The following MAST4 variants were observed in gnomAD, a reference collection of about 807,000 sequenced individuals.
MAST4 encodes microtubule associated serine/threonine kinase family member 4.
In MAST4, 89 loss-of-function variants were observed where a neutral mutation model predicts 162.7. The ratio of observed to expected loss-of-function variants is 0.55; its 90% CI spans 0.46 to 0.65. The LOEUF (loss-of-function observed/expected upper bound fraction) is 0.65. MAST4 is among the 30% of genes least tolerant of loss of function. The pLI is 0.00. For synonymous variants in MAST4, 1,479 were observed against 1,361.1 expected, an observed-to-expected ratio of 1.09 and a Z score of -1.91; for missense variants, 3,153 against 3,374.0, an observed-to-expected ratio of 0.93 and a Z score of 1.62.
At chr5:67,037,760 T>C (rs940471655) in intron 4 of MAST4, among the ~76,000 whole-genome samples, 2 of 152,150 alleles carry the variant, frequency 1.3e-5, no homozygotes, top group Non-Finnish European at 2.9e-5. Context: ...CCATCTCTGA[T>C]TCAAGGCTTT....
chr5:66,684,708 A>G (rs16895457), intron 1 of MAST4, among the ~76,000 whole-genome samples: 31,363 of 152,134 alleles, frequency 0.21, 3,716 homozygotes, highest in East Asian at 0.31. Flanking sequence ...TTTAATTTTC[A>G]TCCCAGAGTT....
intron 4 of MAST4, among the ~76,000 whole-genome samples, chr5:67,047,583 T>C (rs745976607): frequency 6.6e-5 from 10 of 152,200 alleles, no homozygotes; most frequent in Admixed American, 3.3e-4. Context: ...GTACCACAAA[T>C]TTTACAAATT....
At chr5:67,079,760 A>G (rs1196669809) in intron 5 of MAST4, among the ~76,000 whole-genome samples, 5 of 152,032 alleles carry the variant, frequency 3.3e-5, no homozygotes, top group African/African-American at 1.2e-4. Context: ...TTCCTTCTAG[A>G]TGCAGATCGA....
chr5:66,763,049 CTG>C (rs1158428239), intron 2 of MAST4, among the ~76,000 whole-genome samples: 1 of 152,170 alleles, frequency 6.6e-6, no homozygotes, highest in African/African-American at 2.4e-5. Flanking sequence ...GAGGGAGACA[CTG>C]TTAGCTCATT....
chr5:66,710,305 G>A (rs1399126497), intron 1 of MAST4, among the ~76,000 whole-genome samples: 1 of 152,134 alleles, frequency 6.6e-6, no homozygotes, highest in East Asian at 1.9e-4. Flanking sequence ...GGCAGTGTCT[G>A]TTTTATAATA....
intron 4 of MAST4, among the ~76,000 whole-genome samples, chr5:66,931,740 G>T (rs1742218985): frequency 6.6e-6 from 1 of 151,984 alleles, no homozygotes; most frequent in African/African-American, 2.4e-5. Flanking sequence ...TGCCTGAAAG[G>T]CATGTATATA....
rs576070290 is a variant in MAST4 at position 66,843,265 on chromosome 5, A to G, written c.642+54471A>G. Among the ~76,000 whole-genome samples, 126 of 152,292 alleles carry G rather than the reference A, an allele frequency of 8.3e-4. 5 individuals are homozygous for G. The South Asian group carries it at 0.026, about 31-fold the overall frequency. ...GTCACGTTAGTGGTCCTGAAACAGAATACTCTTTTCCGTGCTGTCCATTCA... is the reference window on the plus strand; with the variant it reads ...GTCACGTTAGTGGTCCTGAAACAGAGTACTCTTTTCCGTGCTGTCCATTCA... On this transcript the variant is annotated intron_variant, in intron 3 of 28. Coordinates refer to ENST00000403625, the MANE Select transcript of MAST4 (RefSeq NM_001164664.2).
intron 5 of MAST4, among the ~76,000 whole-genome samples, chr5:67,061,697 T>C (rs931854562): frequency 6.6e-6 from 1 of 152,138 alleles, no homozygotes; most frequent in African/African-American, 2.4e-5. Flanking sequence ...CTGATCTCAT[T>C]GCTTCCCCTC....
chr5:67,101,897 C>A (rs1437849484), intron 8 of MAST4, among the ~76,000 whole-genome samples: 2 of 151,598 alleles, frequency 1.3e-5, no homozygotes, highest in Non-Finnish European at 2.9e-5. Flanking sequence ...CGAAGTTGCA[C>A]AACTATATAT....
In MAST4 at chr5:67,142,330, A is replaced by T; in HGVS notation, c.2618-91A>T. On this transcript the variant is annotated intron_variant, in intron 20 of 28. Coordinates refer to ENST00000403625, the MANE Select transcript of MAST4 (RefSeq NM_001164664.2). ...AACCTTTTCATATCTCTGAGTTCTT[A>T]AACATAATGTTGATCCAGAAAATCA... is the stretch of plus-strand genomic sequence containing the variant. 4 of 1,542,384 alleles carry T rather than the reference A, an allele frequency of 2.6e-6. No individual in the cohort carries two copies. The South Asian group carries it at 4.7e-5, about 18-fold the overall frequency.
At chr5:66,646,132 T>C (rs1745819517) in intron 1 of MAST4, among the ~76,000 whole-genome samples, 1 of 152,156 alleles carries the variant, frequency 6.6e-6, no homozygotes, top group African/African-American at 2.4e-5. Flanking sequence ...CCCCATCTTA[T>C]AGTCATCCAC....
At chr5:66,930,430 C>T (rs1742065784) in intron 4 of MAST4, among the ~76,000 whole-genome samples, 1 of 152,156 alleles carries the variant, frequency 6.6e-6, no homozygotes, top group South Asian at 2.1e-4. Context: ...ATGCAGCTGA[C>T]ACCACAGGGA....
In MAST4 at chr5:66,760,506, C is replaced by T. The variant is rs190857627; in HGVS notation, c.517+644C>T. On this transcript the variant is annotated intron_variant, in intron 2 of 28. Transcript: ENST00000403625. The stretch of plus-strand genomic sequence containing the variant: ...CCGTGATCAGGATATAAAATGTTTC[C>T]CATGCTCTTCCTAGTCAAACCCACC... Among the ~76,000 whole-genome samples, 11 of 152,218 alleles carry T rather than the reference C, an allele frequency of 7.2e-5. No individual in the cohort carries two copies. The East Asian group carries it at 1.5e-3, about 21-fold the overall frequency.
intron 4 of MAST4, among the ~76,000 whole-genome samples, chr5:67,004,186 G>C (rs1751652136): frequency 8.9e-6 from 1 of 112,434 alleles, no homozygotes; most frequent in Non-Finnish European, 2.2e-5. Flanking sequence ...GGCTGTCCCG[G>C]CACCGGCTGG....
chr5:66,737,198 T>C (rs1752206590), intron 1 of MAST4, among the ~76,000 whole-genome samples: 1 of 152,166 alleles, frequency 6.6e-6, no homozygotes, highest in African/African-American at 2.4e-5. Flanking sequence ...AGTCCTCTGA[T>C]GGTTTGACTG....
At chr5:66,874,077 A>C (rs1048473163) in intron 3 of MAST4, among the ~76,000 whole-genome samples, 4 of 152,132 alleles carry the variant, frequency 2.6e-5, no homozygotes, top group African/African-American at 2.4e-5. Context: ...TTATTAGACT[A>C]AGAGTAAAGG....
intron 4 of MAST4, among the ~76,000 whole-genome samples, chr5:66,940,764 A>G (rs1274027761): frequency 6.6e-6 from 1 of 151,994 alleles, no homozygotes; most frequent in African/African-American, 2.4e-5. Flanking sequence ...ACCTCTTTTT[A>G]TGACCTTTTT....
intron 21 of MAST4, chr5:67,142,962 C>CA (rs1327161359): frequency 1.2e-5 from 2 of 162,036 alleles, no homozygotes; most frequent in Admixed American, 1.2e-4. Context: ...GGCTCAATGC[C>CA]AGGCTGCAGA....
At chr5:66,883,258 CAT>C (rs1761809390) in intron 3 of MAST4, among the ~76,000 whole-genome samples, 1 of 152,062 alleles carries the variant, frequency 6.6e-6, no homozygotes, top group African/African-American at 2.4e-5. Context: ...TGTCTTCACT[CAT>C]ATTGTGAGCA....
Sources: allele counts gnomAD v4.1 joint callset (sites outside exome capture counted in the v4.1 genomes callset), GRCh38; gene constraint gnomAD v4.1.1; transcripts MANE v1.5; gene names NCBI Gene and HGNC (gene_info 2026-07-23, HGNC 2026-07-21).